LRRTM4: variants seen among roughly 807,000 people sequenced by gnomAD.
The protein encoded by LRRTM4 is leucine-rich repeat transmembrane neuronal protein 4.
Under a neutral mutation model 47.6 loss-of-function variants are expected in LRRTM4, and 25 were observed. The ratio of observed to expected loss-of-function variants is 0.53; its 90% CI spans 0.38 to 0.73. The LOEUF (loss-of-function observed/expected upper bound fraction) is 0.73, where lower values mean the gene tolerates loss of function less well. Among genes scored for constraint, LRRTM4 ranks in the 30% least tolerant of loss-of-function variants. LRRTM4 has a pLI of 0.00. For missense variants in LRRTM4, 638 were observed against 713.4 expected (o/e 0.89, Z 1.20); for synonymous variants, 311 against 269.5 (o/e 1.15, Z -1.51).
intron 3 of LRRTM4, among the ~76,000 whole-genome samples, chr2:77,426,337 C>T (rs1416357944): frequency 6.6e-6 from 1 of 152,128 alleles, no homozygotes; most frequent in Middle Eastern, 3.2e-3. Context: ...CATGTACCCC[C>T]CAGCTTCCCT....
chr2:76,765,711 G>C (rs534551673), intron 3 of LRRTM4, among the ~76,000 whole-genome samples: 1 of 152,286 alleles, frequency 6.6e-6, no homozygotes, highest in East Asian at 1.9e-4. Context: ...CTTAAGCTTG[G>C]ACTTCTGGCC....
chr2:77,250,955 C>G (rs1196575998), intron 3 of LRRTM4, among the ~76,000 whole-genome samples: 1 of 151,724 alleles, frequency 6.6e-6, no homozygotes, highest in Non-Finnish European at 1.5e-5. Flanking sequence ...AATGCAAAAT[C>G]AGCTGGGCAT....
At chr2:77,387,692 G>A (rs1673337948) in intron 3 of LRRTM4, among the ~76,000 whole-genome samples, 1 of 152,050 alleles carries the variant, frequency 6.6e-6, no homozygotes, top group Admixed American at 6.6e-5. Context: ...TTGCATGCAG[G>A]CTAACACCGC....
At chr2:77,243,170 T>C (rs796808149) in intron 3 of LRRTM4, among the ~76,000 whole-genome samples, 4 of 152,232 alleles carry the variant, frequency 2.6e-5, no homozygotes, top group African/African-American at 7.2e-5. Flanking sequence ...CCCAGCACTT[T>C]GGGAGGCCGA....
intron 3 of LRRTM4, among the ~76,000 whole-genome samples, chr2:77,030,889 C>A (rs1015973065): frequency 6.6e-6 from 1 of 152,198 alleles, no homozygotes; most frequent in Non-Finnish European, 1.5e-5. Context: ...TCTGCCCCAT[C>A]AAAGCTCAAA....
intron 3 of LRRTM4, among the ~76,000 whole-genome samples, chr2:77,161,885 C>T (rs1369941314): frequency 1.3e-5 from 2 of 151,944 alleles, no homozygotes; most frequent in Admixed American, 1.3e-4. Flanking sequence ...AATTAGTTGA[C>T]CAATTAAGAG....
chr2:77,049,142 A>T (rs1270806636), intron 3 of LRRTM4, among the ~76,000 whole-genome samples: 1 of 132,698 alleles, frequency 7.5e-6, no homozygotes, highest in South Asian at 2.3e-4. Flanking sequence ...ATATATATAT[A>T]TATATATATA....
intron 3 of LRRTM4, among the ~76,000 whole-genome samples, chr2:76,811,629 A>G (rs1285043357): frequency 6.6e-6 from 1 of 152,120 alleles, no homozygotes; most frequent in Non-Finnish European, 1.5e-5. Flanking sequence ...GTTTATGTAA[A>G]ATGCAAGGGT....
At chr2:77,235,282 T>C (rs1310143495) in intron 3 of LRRTM4, among the ~76,000 whole-genome samples, 1 of 152,136 alleles carries the variant, frequency 6.6e-6, no homozygotes, top group East Asian at 1.9e-4. Context: ...TCTCTGATGA[T>C]TAGTTACACT....
At chr2:77,411,165 T>C (rs534912590) in intron 3 of LRRTM4, among the ~76,000 whole-genome samples, 1 of 152,256 alleles carries the variant, frequency 6.6e-6, no homozygotes, top group South Asian at 2.1e-4. Flanking sequence ...AGGCCCCTTC[T>C]TCATTTTCCG....
chr2:76,781,185 A>T (rs1302068439), intron 3 of LRRTM4, among the ~76,000 whole-genome samples: 3 of 152,260 alleles, frequency 2.0e-5, no homozygotes, highest in Non-Finnish European at 2.9e-5. Context: ...TTAAGTCTGC[A>T]GAGGTTACTG....
chr2:77,027,678 C>T (rs542141859), intron 3 of LRRTM4, among the ~76,000 whole-genome samples: 61 of 152,012 alleles, frequency 4.0e-4, no homozygotes, highest in South Asian at 6.2e-4. Context: ...AGTGAATTGC[C>T]GAAAGGATAA....
intron 1 of LRRTM4, 128 bp from the exon 2 acceptor site, chr2:77,521,946 G>A: frequency 3.5e-6 from 2 of 576,240 alleles, no homozygotes; most frequent in South Asian, 4.8e-5. Context: ...GCCGTTGGGG[G>A]GATAGGGATG....
chr2:76,809,527 A>G (rs1670665348), intron 3 of LRRTM4, among the ~76,000 whole-genome samples: 1 of 151,998 alleles, frequency 6.6e-6, no homozygotes, highest in Non-Finnish European at 1.5e-5. Context: ...CATACTTCCT[A>G]CCCTTCCCCT....
In LRRTM4 at chr2:76,783,146, T is replaced by C. The variant is rs113409742; in HGVS notation, c.1552-34230A>G. Among the ~76,000 whole-genome samples, 1,009 of 152,248 alleles carry C rather than the reference T, an allele frequency of 6.6e-3. 9 individuals carry two copies. Among genetic ancestry groups the C allele is most frequent in the African/African-American group, 0.02 (826 of 41,536 alleles). On this transcript the variant is annotated intron_variant, in intron 3 of 3. Coordinates refer to ENST00000409884, the MANE Select transcript of LRRTM4 (RefSeq NM_001134745.3). ...TAATTAATATTGGGAAGAATTCATATTCCACCAACATTGAATGAATAAATA... is the reference window on the plus strand; with the variant it reads ...TAATTAATATTGGGAAGAATTCATACTCCACCAACATTGAATGAATAAATA...
chr2:76,802,310 C>G (rs1465243599), intron 3 of LRRTM4, among the ~76,000 whole-genome samples: 2 of 150,586 alleles, frequency 1.3e-5, no homozygotes, highest in Non-Finnish European at 1.5e-5. Context: ...ACACAAATCT[C>G]TAGCATTTAT....
intron 3 of LRRTM4, among the ~76,000 whole-genome samples, chr2:77,419,416 G>T (rs1256270344): frequency 5.3e-5 from 8 of 152,092 alleles, no homozygotes; most frequent in Admixed American, 3.3e-4. Context: ...ATACAAAACA[G>T]CATAGTATTT....
intron 3 of LRRTM4, among the ~76,000 whole-genome samples, chr2:76,834,733 T>A (rs913439936): frequency 6.6e-6 from 1 of 152,050 alleles, no homozygotes; most frequent in African/African-American, 2.4e-5. Context: ...CTTGAAGAAA[T>A]GATACACATA....
intron 3 of LRRTM4, among the ~76,000 whole-genome samples, chr2:77,253,311 C>CT (rs1166232962): frequency 6.6e-6 from 1 of 152,018 alleles, no homozygotes; most frequent in African/African-American, 2.4e-5. Flanking sequence ...TGGGTTGGAC[C>CT]TAGTAGAGAG....
Sources: allele counts gnomAD v4.1 joint callset (sites outside exome capture counted in the v4.1 genomes callset), GRCh38; gene constraint gnomAD v4.1.1; transcripts MANE v1.5; gene names NCBI Gene and HGNC (gene_info 2026-07-23, HGNC 2026-07-21).